The following BTBD9 variants were observed in gnomAD, a reference collection of about 807,000 sequenced individuals.
The protein encoded by BTBD9 is BTB/POZ domain-containing protein 9.
A neutral mutation model predicts 64.3 loss-of-function variants in BTBD9; 49 were observed. The ratio of observed to expected loss-of-function variants is 0.76; its 90% CI spans 0.61 to 0.97. The LOEUF is 0.97. Among genes scored for constraint, BTBD9 ranks in the 50% least tolerant of loss-of-function variants. BTBD9 has a pLI of 0.00. For missense variants in BTBD9, 598 were observed against 762.1 expected, an observed-to-expected ratio of 0.78 and a Z score of 2.53; for synonymous variants, 260 against 274.7, an observed-to-expected ratio of 0.95 and a Z score of 0.53.
chr6:38,410,977 G>A (rs1338097723), intron 6 of BTBD9, among the ~76,000 whole-genome samples: 1 of 152,020 alleles, frequency 6.6e-6, no homozygotes, highest in African/African-American at 2.4e-5. Flanking sequence ...GTGACCTCCT[G>A]TCCCACATTC....
At chr6:38,213,210 G>C (rs894278456) in intron 9 of BTBD9, among the ~76,000 whole-genome samples, 1 of 152,050 alleles carries the variant, frequency 6.6e-6, no homozygotes, top group South Asian at 2.1e-4. Context: ...ACCCCTGTGG[G>C]TATTTTAGAT....
chr6:38,263,569 C>T (rs949636671), intron 8 of BTBD9, among the ~76,000 whole-genome samples: 8 of 152,262 alleles, frequency 5.3e-5, no homozygotes, highest in East Asian at 1.9e-4. Context: ...TCCAGCCTAA[C>T]GTGCCCTGTT....
intron 8 of BTBD9, among the ~76,000 whole-genome samples, chr6:38,275,904 T>C (rs973394263): frequency 6.6e-6 from 1 of 151,876 alleles, no homozygotes; most frequent in African/African-American, 2.4e-5. Context: ...TTGGTGGGAC[T>C]GTAAACTAGT....
chr6:38,556,569 G>C (rs976093559), intron 6 of BTBD9, among the ~76,000 whole-genome samples: 2 of 146,208 alleles, frequency 1.4e-5, no homozygotes, highest in African/African-American at 5.2e-5. Context: ...GAGAGAGAGA[G>C]AGAGAGATTT....
In BTBD9 at chr6:38,594,170, T is replaced by C. The variant is rs1776937465; in HGVS notation, c.343A>G (p.Ser115Gly). 6.2e-7 allele frequency: 1 copy of C among 1,614,152 alleles called. No individual in the cohort carries two copies. The highest frequency in any genetic ancestry group is 8.5e-7 in the Non-Finnish European group (1 of 1,180,022). ...EKEEVLLDFL[S>G]LAHKYGFPEL... ...GGAAATCCATATTTATGAGCCAGGC[T>C]CAAAAAGTCCAGCAGCACCTCCTCC... Residue 115 changes from serine (S) to glycine (G), a missense_variant, in exon 3 of 11, where the codon AGC becomes GGC. Coordinates refer to ENST00000481247, the MANE Select transcript of BTBD9 (RefSeq NM_001099272.2).
chr6:38,401,914 T>C (rs1214629789), intron 6 of BTBD9, among the ~76,000 whole-genome samples: 1 of 152,212 alleles, frequency 6.6e-6, no homozygotes, highest in Non-Finnish European at 1.5e-5. Context: ...CATACTCTAC[T>C]CTTTAAAAGA....
chr6:38,276,710 G>T (rs925822443), intron 8 of BTBD9, among the ~76,000 whole-genome samples: 2 of 152,068 alleles, frequency 1.3e-5, no homozygotes, highest in Admixed American at 6.6e-5. Context: ...AACAGCAAAA[G>T]ACTGGAGGTA....
intron 8 of BTBD9, among the ~76,000 whole-genome samples, chr6:38,287,600 ACCATC>A (rs1278127576): frequency 6.6e-6 from 1 of 152,198 alleles, no homozygotes; most frequent in Admixed American, 6.5e-5. Context: ...AACAGAACAT[ACCATC>A]TAGCCTAGGT....
intron 1 of BTBD9, among the ~76,000 whole-genome samples, chr6:38,603,876 T>A (rs1220282359): frequency 2.0e-5 from 3 of 152,264 alleles, no homozygotes. Context: ...TTGGTACCCA[T>A]GTGCTGTGTA....
chr6:38,464,124 C>G (rs1389605361), intron 6 of BTBD9, among the ~76,000 whole-genome samples: 1 of 152,152 alleles, frequency 6.6e-6, no homozygotes, highest in African/African-American at 2.4e-5. Flanking sequence ...CAGTCACACA[C>G]AGAGGAGTGA....
At chr6:38,193,021 G>A (rs1255885193) in intron 9 of BTBD9, among the ~76,000 whole-genome samples, 4 of 151,826 alleles carry the variant, frequency 2.6e-5, no homozygotes, top group East Asian at 3.9e-4. Flanking sequence ...AGGCCTGCAC[G>A]TTGTGCACAT....
intron 6 of BTBD9, among the ~76,000 whole-genome samples, chr6:38,426,012 C>T (rs568363733): frequency 2.0e-4 from 30 of 151,466 alleles, no homozygotes; most frequent in Non-Finnish European, 3.1e-4. Context: ...CCAGAAGCTA[C>T]GTGTGTCATA....
intron 6 of BTBD9, among the ~76,000 whole-genome samples, chr6:38,440,209 T>C (rs554212874): frequency 1.5e-4 from 23 of 152,202 alleles, no homozygotes; most frequent in African/African-American, 5.3e-4. Flanking sequence ...TGCTTATGTA[T>C]AGAAAAGAAA....
intron 6 of BTBD9, chr6:38,482,580 A>G (rs1257529874): frequency 6.6e-6 from 1 of 152,100 alleles, no homozygotes; most frequent in Admixed American, 6.5e-5. Flanking sequence ...TAGCTGTTAT[A>G]TGAGTCCTTT....
intron 1 of BTBD9, among the ~76,000 whole-genome samples, chr6:38,610,984 T>C (rs991270775): frequency 1.3e-5 from 2 of 151,964 alleles, no homozygotes; most frequent in African/African-American, 4.8e-5. Context: ...CTATACAATA[T>C]AGCCATCAAT....
At chr6:38,630,713 G>C (rs1023588985) in intron 1 of BTBD9, among the ~76,000 whole-genome samples, 7 of 152,208 alleles carry the variant, frequency 4.6e-5, no homozygotes, top group Non-Finnish European at 8.8e-5. Flanking sequence ...GTTAATATCT[G>C]ACATGAAGTG....
intron 6 of BTBD9, among the ~76,000 whole-genome samples, chr6:38,381,660 A>G (rs1765938351): frequency 6.6e-6 from 1 of 152,108 alleles, no homozygotes; most frequent in Admixed American, 6.6e-5. Flanking sequence ...AAGTACACAA[A>G]GGATTTTATT....
At chr6:38,283,976 G>C (rs1761621097) in intron 8 of BTBD9, among the ~76,000 whole-genome samples, 1 of 152,156 alleles carries the variant, frequency 6.6e-6, no homozygotes, top group Non-Finnish European at 1.5e-5. Flanking sequence ...TGTCTATCTG[G>C]CCACATCAAC....
intron 8 of BTBD9, among the ~76,000 whole-genome samples, chr6:38,260,550 G>A (rs1344002008): frequency 6.6e-6 from 1 of 152,138 alleles, no homozygotes; most frequent in Non-Finnish European, 1.5e-5. Flanking sequence ...AAAAAAGAAG[G>A]ATAAATTATG....
Sources: allele counts gnomAD v4.1 joint callset (sites outside exome capture counted in the v4.1 genomes callset), GRCh38; gene constraint gnomAD v4.1.1; transcripts MANE v1.5; gene names NCBI Gene and HGNC (gene_info 2026-07-23, HGNC 2026-07-21).